NTM: variants seen among roughly 807,000 people sequenced by gnomAD.
The protein encoded by NTM is neurotrimin.
A neutral mutation model predicts 42.1 loss-of-function variants in NTM; 13 were observed. That is an observed-to-expected ratio of 0.31 (90% CI 0.20 to 0.49). The LOEUF (loss-of-function observed/expected upper bound fraction) is 0.49, where lower values mean the gene tolerates loss of function less well. Ranked by LOEUF, NTM falls within the 20% of genes least tolerant of loss-of-function variation. The pLI is 0.99. For missense variants in NTM, 373 were observed against 452.8 expected (o/e 0.82, Z 1.60); for synonymous variants, 187 against 179.2 (o/e 1.04, Z -0.35).
At chr11:131,724,059 AG>A (rs1160255740) in intron 1 of NTM, among the ~76,000 whole-genome samples, 4 of 152,232 alleles carry the variant, frequency 2.6e-5, no homozygotes, top group African/African-American at 9.6e-5. Context: ...ATTCAGAACA[AG>A]TCAGAGGAGG....
intron 2 of NTM, among the ~76,000 whole-genome samples, chr11:132,064,471 C>T (rs1238490680): frequency 6.6e-6 from 1 of 152,086 alleles, no homozygotes; most frequent in Non-Finnish European, 1.5e-5. Flanking sequence ...TCTCATTATC[C>T]AAAAGGTACA....
At chr11:131,606,138 G>C (rs1592202420) in intron 1 of NTM, among the ~76,000 whole-genome samples, 1 of 151,986 alleles carries the variant, frequency 6.6e-6, no homozygotes, top group South Asian at 2.1e-4. Flanking sequence ...CAACCTCCCT[G>C]GCTAAAGTGA....
chr11:131,562,299 C>T (rs2056337210), intron 1 of NTM, among the ~76,000 whole-genome samples: 2 of 152,094 alleles, frequency 1.3e-5, no homozygotes, highest in Admixed American at 6.5e-5. Flanking sequence ...AGCAGATAAA[C>T]TCTAGAAGCT....
chr11:131,462,460 G>A (rs1565526486), intron 1 of NTM, among the ~76,000 whole-genome samples: 1 of 152,184 alleles, frequency 6.6e-6, no homozygotes, highest in Non-Finnish European at 1.5e-5. Flanking sequence ...ACAAAATCAA[G>A]AGGCTAGTGA....
At chr11:131,983,091 C>G (rs1306768963) in intron 2 of NTM, among the ~76,000 whole-genome samples, 1 of 151,634 alleles carries the variant, frequency 6.6e-6, no homozygotes, top group African/African-American at 2.4e-5. Context: ...GGAAGAACAC[C>G]CATTGTCTAA....
chr11:131,927,765 T>C (rs1445387582), intron 2 of NTM, among the ~76,000 whole-genome samples: 1 of 152,168 alleles, frequency 6.6e-6, no homozygotes, highest in Non-Finnish European at 1.5e-5. Context: ...AGACATAAAA[T>C]CACAGAGCCC....
At chr11:131,633,635 G>GCCTCTCTCTC (rs1471636501) in intron 1 of NTM, among the ~76,000 whole-genome samples, 52 of 22,906 alleles carry the variant, frequency 2.3e-3, no homozygotes, top group African/African-American at 6.1e-3. Context: ...CTCTATCTCT[G>GCCTCTCTCTC]CCTCTCTCTC....
At chr11:131,650,235 T>C (rs1457335726) in intron 1 of NTM, among the ~76,000 whole-genome samples, 1 of 152,238 alleles carries the variant, frequency 6.6e-6, no homozygotes, top group Non-Finnish European at 1.5e-5. Context: ...AGATGAAATC[T>C]CTGGATTCCC....
At chr11:131,988,865 C>T (rs73586642) in intron 2 of NTM, among the ~76,000 whole-genome samples, 2,021 of 152,284 alleles carry the variant, frequency 0.013, 43 homozygotes, top group African/African-American at 0.046. Flanking sequence ...GTACCAAAAA[C>T]ACTGTTATAT....
chr11:131,828,486 C>T (rs1043358024), intron 1 of NTM, among the ~76,000 whole-genome samples: 1 of 152,158 alleles, frequency 6.6e-6, no homozygotes, highest in African/African-American at 2.4e-5. Context: ...ACCACCTTCA[C>T]CATTATCACA....
chr11:131,563,562 T>C (rs2056495157), intron 1 of NTM, among the ~76,000 whole-genome samples: 1 of 148,240 alleles, frequency 6.7e-6, no homozygotes, highest in Non-Finnish European at 1.5e-5. Context: ...CTATTTCTCC[T>C]GTGACAGCTC....
intron 1 of NTM, among the ~76,000 whole-genome samples, chr11:131,753,569 G>C (rs9666875): frequency 7.0e-6 from 1 of 143,746 alleles, no homozygotes; most frequent in African/African-American, 3.0e-5. Flanking sequence ...GCCATAAAAA[G>C]TGATGAGTTC....
At chr11:131,989,026 G>A (rs2066558447) in intron 2 of NTM, among the ~76,000 whole-genome samples, 2 of 152,050 alleles carry the variant, frequency 1.3e-5, no homozygotes, top group African/African-American at 4.8e-5. Context: ...TTCTGCACCA[G>A]TTTTTGTTTG....
chr11:131,797,939 C>T (rs1347250719), intron 1 of NTM, among the ~76,000 whole-genome samples: 2 of 152,094 alleles, frequency 1.3e-5, no homozygotes, highest in African/African-American at 2.4e-5. Flanking sequence ...GCATTCAACT[C>T]GGTTTTGTTT....
At chr11:131,759,038 G>C (rs1323212732) in intron 1 of NTM, among the ~76,000 whole-genome samples, 1 of 152,182 alleles carries the variant, frequency 6.6e-6, no homozygotes, top group African/African-American at 2.4e-5. Flanking sequence ...GTTTGGTCTA[G>C]AGTCATCCAA....
chr11:131,655,798 T>C (rs2067112150), intron 1 of NTM, among the ~76,000 whole-genome samples: 1 of 152,216 alleles, frequency 6.6e-6, no homozygotes, highest in Non-Finnish European at 1.5e-5. Context: ...TGTGAGGCAA[T>C]GAAGGGAAAG....
chr11:132,137,757 T>C (rs1591759708), intron 2 of NTM, among the ~76,000 whole-genome samples: 1 of 152,056 alleles, frequency 6.6e-6, no homozygotes, highest in South Asian at 2.1e-4. Context: ...AGACAGCTGG[T>C]GGATGGACCC....
At chr11:131,901,066 A>C (rs2053090545) in intron 1 of NTM, among the ~76,000 whole-genome samples, 1 of 152,236 alleles carries the variant, frequency 6.6e-6, no homozygotes. Flanking sequence ...AATCAGTAGC[A>C]ACCATTTGTG....
At chr11:131,455,277 A>T (rs1950785952) in intron 1 of NTM, among the ~76,000 whole-genome samples, 1 of 152,176 alleles carries the variant, frequency 6.6e-6, no homozygotes, top group African/African-American at 2.4e-5. Flanking sequence ...AGGAGGTGTT[A>T]CGAGTAGACG....
Sources: gnomAD v4.1 joint callset for allele counts (sites outside exome capture counted in the v4.1 genomes callset) on GRCh38, gnomAD v4.1.1 for gene constraint, MANE v1.5 for transcripts, NCBI Gene and HGNC (gene_info 2026-07-23, HGNC 2026-07-21) for gene names.